CNTN1: variants seen among roughly 807,000 people sequenced by gnomAD.
CNTN1 encodes contactin 1.
Under a neutral mutation model 126.4 loss-of-function variants are expected in CNTN1, and 38 were observed. The ratio of observed to expected loss-of-function variants is 0.30; its 90% CI spans 0.23 to 0.39. CNTN1 has a LOEUF of 0.39. Ranked by LOEUF, CNTN1 falls within the 10% of genes least tolerant of loss-of-function variation. The probability of loss-of-function intolerance (pLI) is 1.00; values close to 1 mark genes in which losing one functional copy is unlikely to be tolerated. For synonymous variants in CNTN1, 413 were observed against 422.6 expected, an observed-to-expected ratio of 0.98 and a Z score of 0.28; for missense variants, 1,009 against 1,248.4, an observed-to-expected ratio of 0.81 and a Z score of 2.89.
intron 1 of CNTN1, among the ~76,000 whole-genome samples, chr12:40,863,274 G>A (rs1358008117): frequency 6.6e-6 from 1 of 152,044 alleles, no homozygotes; most frequent in Non-Finnish European, 1.5e-5. Context: ...AAATTGTTGG[G>A]ATTTTCCTTC....
At chr12:41,057,117 A>T (rs1043264281) in intron 23 of CNTN1, among the ~76,000 whole-genome samples, 14 of 134,460 alleles carry the variant, frequency 1.0e-4, no homozygotes, top group African/African-American at 3.7e-4. Context: ...TATAAATATT[A>T]TATTTAGATA....
intron 1 of CNTN1, among the ~76,000 whole-genome samples, chr12:40,757,989 A>T (rs1938678123): frequency 8.3e-6 from 1 of 120,412 alleles, no homozygotes; most frequent in Non-Finnish European, 1.9e-5. Context: ...GTTGTCGAGG[A>T]TTAATTAAGA....
chr12:40,914,791 A>G (rs2136838489), intron 3 of CNTN1, among the ~76,000 whole-genome samples: 1 of 152,288 alleles, frequency 6.6e-6, no homozygotes, highest in Middle Eastern at 3.4e-3. Context: ...AATTTGTGAA[A>G]AGTATTGTAA....
At chr12:40,821,476 T>C (rs1018228711) in intron 1 of CNTN1, among the ~76,000 whole-genome samples, 1 of 152,216 alleles carries the variant, frequency 6.6e-6, no homozygotes, top group African/African-American at 2.4e-5. Flanking sequence ...AAAGACTTTA[T>C]GTTTTTCAAT....
At chr12:40,934,820 C>A (rs1341432024) in intron 9 of CNTN1, among the ~76,000 whole-genome samples, 1 of 152,048 alleles carries the variant, frequency 6.6e-6, no homozygotes, top group African/African-American at 2.4e-5. Flanking sequence ...TTCATGACCA[C>A]AGACTTCCAT....
At chr12:40,764,754 A>G (rs1939009719) in intron 1 of CNTN1, among the ~76,000 whole-genome samples, 1 of 152,218 alleles carries the variant, frequency 6.6e-6, no homozygotes, top group African/African-American at 2.4e-5. Flanking sequence ...AGGAACAACC[A>G]TATGCTTAGA....
At chr12:40,705,306 T>C (rs1337234066) in intron 1 of CNTN1, among the ~76,000 whole-genome samples, 1 of 152,198 alleles carries the variant, frequency 6.6e-6, no homozygotes, top group African/African-American at 2.4e-5. Flanking sequence ...TTGACACCAC[T>C]ATTTGAATCC....
intron 1 of CNTN1, among the ~76,000 whole-genome samples, chr12:40,761,529 T>C (rs1938865574): frequency 6.6e-6 from 1 of 152,116 alleles, no homozygotes; most frequent in South Asian, 2.1e-4. Context: ...CATTAAAACA[T>C]ATTTTGGTTT....
intron 1 of CNTN1, among the ~76,000 whole-genome samples, chr12:40,894,668 C>T (rs905219413): frequency 1.3e-5 from 2 of 152,078 alleles, no homozygotes; most frequent in African/African-American, 4.8e-5. Flanking sequence ...TAATACCTAA[C>T]TTTTTATTTA....
At chr12:40,769,265 C>G (rs1421444788) in intron 1 of CNTN1, among the ~76,000 whole-genome samples, 1 of 151,852 alleles carries the variant, frequency 6.6e-6, no homozygotes, top group Non-Finnish European at 1.5e-5. Flanking sequence ...AACAATATAT[C>G]TTTTTTTCTG....
At chr12:40,773,701 A>G (rs1939462307) in intron 1 of CNTN1, among the ~76,000 whole-genome samples, 1 of 19,252 alleles carries the variant, frequency 5.2e-5, no homozygotes. Context: ...ATACACATAT[A>G]TATATATATA....
intron 1 of CNTN1, among the ~76,000 whole-genome samples, chr12:40,700,461 G>T (rs376882906): frequency 1.3e-5 from 2 of 152,186 alleles, no homozygotes. Context: ...GGGAGGCAGA[G>T]GTTGCAGGGA....
chr12:40,965,998 C>CACA (rs1947293934), intron 15 of CNTN1, among the ~76,000 whole-genome samples: 5 of 136,200 alleles, frequency 3.7e-5, no homozygotes, highest in African/African-American at 1.2e-4. Flanking sequence ...CCTCATCACA[C>CACA]CACACACACA....
chr12:40,935,541 A>C (rs1946051307), intron 9 of CNTN1, among the ~76,000 whole-genome samples: 2 of 152,114 alleles, frequency 1.3e-5, no homozygotes, highest in African/African-American at 4.8e-5. Context: ...AGACTGTGTC[A>C]AGCCAATTCA....
chr12:41,028,920 TTTTAAA>T, intron 22 of CNTN1, 137 bp from the exon 23 acceptor site: 1 of 827,510 alleles, frequency 1.2e-6, no homozygotes, highest in Non-Finnish European at 1.9e-6. Flanking sequence ...TTTCATCTAG[TTTTAAA>T]TTTAGTTTTT....
At chr12:40,739,002 T>C (rs1937818413) in intron 1 of CNTN1, among the ~76,000 whole-genome samples, 1 of 152,000 alleles carries the variant, frequency 6.6e-6, no homozygotes, top group African/African-American at 2.4e-5. Context: ...GTTCTTAACC[T>C]TGGGTGCACA....
At position 40,917,061 on chromosome 12, in the gene CNTN1, CGG is replaced by C. The variant is rs141873598; in HGVS notation, c.95-1568_95-1567del. 2.6e-4 allele frequency among the ~76,000 whole-genome samples: 7 copies of C among 27,164 alleles called. No individual in the cohort carries two copies. The East Asian group carries it at 3.4e-3, about 13-fold the overall frequency. 17.8% of individuals were successfully genotyped at this position (27,164 alleles called of 152,430 possible). On this transcript the variant is annotated intron_variant, in intron 3 of 23. Coordinates refer to ENST00000551295, the MANE Select transcript of CNTN1 (RefSeq NM_001843.4). ...TAATTCTTCATACCAGTGGTGGGGG[CGG>C]GGGGGGGGGCAGAACTAACTTGAGG...
intron 1 of CNTN1, among the ~76,000 whole-genome samples, chr12:40,899,791 C>T (rs1464832849): frequency 2.0e-5 from 3 of 152,144 alleles, no homozygotes; most frequent in East Asian, 1.9e-4. Flanking sequence ...TTAACAATCA[C>T]GTGCCAAGTG....
chr12:40,897,713 G>T (rs912957891), intron 1 of CNTN1, among the ~76,000 whole-genome samples: 2 of 152,108 alleles, frequency 1.3e-5, no homozygotes, highest in Non-Finnish European at 2.9e-5. Flanking sequence ...GTGGATATAA[G>T]TCTGAAACCT....
Sources: allele counts gnomAD v4.1 joint callset (sites outside exome capture counted in the v4.1 genomes callset), GRCh38; gene constraint gnomAD v4.1.1; transcripts MANE v1.5; gene names NCBI Gene and HGNC (gene_info 2026-07-23, HGNC 2026-07-21).